NYX: variants seen among roughly 807,000 people sequenced by gnomAD.
NYX encodes nyctalopin, also known as leucine-rich repeat protein.
For missense variants in NYX, 481 were observed against 485.4 expected, an observed-to-expected ratio of 0.99 and a Z score of 0.09; for synonymous variants, 258 against 245.7, an observed-to-expected ratio of 1.05 and a Z score of -0.47.
Position 41,471,127 on chromosome X carries a change from G to T in NYX, c.23-2364G>T, listed in dbSNP as rs190435550. ...TTATATACCTTCTTTTTTTGGAGGG[G>T]GGGGATGGAGTTTCACTCTTTTCAC... On this transcript the variant is annotated intron_variant, in intron 2 of 2. Transcript: ENST00000378220. Among the ~76,000 whole-genome samples, 232 of 111,101 alleles carry T rather than the reference G, an allele frequency of 2.1e-3. 1 individual carries two copies. The highest frequency in any genetic ancestry group is 7.1e-3 in the African/African-American group (219 of 30,667).
intron 2 of NYX, among the ~76,000 whole-genome samples, chrX:41,463,880 T>C (rs1167140005): frequency 8.9e-6 from 1 of 111,793 alleles, no homozygotes. Context: ...AGTAGTCTTT[T>C]ATATTTAGTA....
intron 2 of NYX, among the ~76,000 whole-genome samples, 172 bp from the exon 3 acceptor site, chrX:41,473,318 GA>G (rs1301393157): frequency 9.0e-6 from 1 of 111,166 alleles, no homozygotes; most frequent in Admixed American, 9.5e-5. Flanking sequence ...AAACCCGTGT[GA>G]GGCCGCGGAG....
At chrX:41,453,842 G>T (rs181411900) in intron 2 of NYX, among the ~76,000 whole-genome samples, 8 of 112,686 alleles carry the variant, frequency 7.1e-5, no homozygotes, top group African/African-American at 2.6e-4. Flanking sequence ...GACATTTGTT[G>T]TTTCTACCTT....
chrX:41,464,518 G>C (rs2064331552), intron 2 of NYX, among the ~76,000 whole-genome samples: 1 of 111,990 alleles, frequency 8.9e-6, no homozygotes, highest in East Asian at 2.8e-4. Flanking sequence ...ATCACTTTGG[G>C]GGTTAGGATT....
intron 2 of NYX, 50 bp from the exon 3 acceptor site, chrX:41,473,441 T>G (rs2064370441): frequency 1.1e-6 from 1 of 938,385 alleles, no homozygotes; most frequent in Non-Finnish European, 1.3e-6. Context: ...GGTTGCTCCT[T>G]TTTTCTCTTT....
chrX:41,453,350 T>G (rs1241610994), intron 2 of NYX, among the ~76,000 whole-genome samples: 1 of 111,791 alleles, frequency 8.9e-6, no homozygotes, highest in African/African-American at 3.2e-5. Flanking sequence ...CCATTTCTGG[T>G]GTTTATTTTC....
chrX:41,474,748 A>G lies in NYX; in HGVS notation c.1280A>G (p.Asn427Ser), dbSNP rs1370664927. The change falls in exon 3 of 3, where the codon AAC becomes AGC. Residue 427 changes from asparagine to serine, a missense_variant. Asn to Ser is a conservative substitution (Grantham distance 46). Transcript: ENST00000378220. ...AGGGTCCCGGTGGAGGAGGCGGCCA[A>G]CACCACTGGGGGGCTGGCCAACGCC... is the stretch of plus-strand genomic sequence containing the variant. ...APRVPVEEAA[N>S]TTGGLANASL... is the part of the protein sequence containing the mutation. 8.4e-7 allele frequency: 1 copy of G among 1,193,259 alleles called. No homozygotes were observed. The highest frequency in any genetic ancestry group is 2.4e-4 in the Middle Eastern group (1 of 4,239).
rs763717381 is a variant in NYX at position 41,454,607 on chromosome X, G to A, written c.22+6681G>A. Reference sequence around the variant, plus strand: ...ATTACAGGTGTGAGCCACTGCGCCCGGCTGATCCTTTTTTTTTAAGATGGG... The same window carrying A: ...ATTACAGGTGTGAGCCACTGCGCCCAGCTGATCCTTTTTTTTTAAGATGGG... On this transcript the variant is annotated intron_variant, in intron 2 of 2. Coordinates refer to ENST00000378220, the MANE Select transcript of NYX (RefSeq NM_001378477.3). Among the ~76,000 whole-genome samples, 9 of 108,583 alleles carry A rather than the reference G, an allele frequency of 8.3e-5. No individual in the cohort carries two copies. The East Asian group carries it at 8.7e-4, about 11-fold the overall frequency. The allele number at this position is 108,583 out of a possible 115,157, so 94.3% of individuals were successfully genotyped here. A position where few individuals can be genotyped will look rare whatever the true frequency, so the allele number is the denominator to read the frequency against.
intron 2 of NYX, among the ~76,000 whole-genome samples, chrX:41,455,388 T>C (rs1397993999): frequency 9.0e-6 from 1 of 110,712 alleles, no homozygotes; most frequent in Non-Finnish European, 1.9e-5. Flanking sequence ...ATTACAGGCA[T>C]GAGTCACTGC....
intron 2 of NYX, among the ~76,000 whole-genome samples, chrX:41,464,249 G>A (rs1366999715): frequency 1.8e-5 from 2 of 109,279 alleles, no homozygotes; most frequent in African/African-American, 6.7e-5. Flanking sequence ...GGGCTTAAGC[G>A]ATCCTCCCAC....
At position 41,474,701 on chromosome X, in the gene NYX, C is replaced by T. The variant is rs1201699098; in HGVS notation, c.1233C>T (p.Leu411=). 3 of 1,198,817 alleles carry T rather than the reference C, an allele frequency of 2.5e-6. No homozygotes were observed. The highest frequency in any genetic ancestry group is 3.4e-6 in the Non-Finnish European group (3 of 890,185). The change falls in exon 3 of 3, where the codon CTC becomes CTT. Residue 411 remains leucine, a synonymous_variant. Coordinates refer to ENST00000378220, the MANE Select transcript of NYX (RefSeq NM_001378477.3). ...CCACCGTGAGCAGGTTCAGCAGCCT[C>T]CTCTCCAAGCTGCTGGCCCCGAGGG... ...AATTVSRFSS[L]LSKLLAPRVP...
intron 2 of NYX, among the ~76,000 whole-genome samples, chrX:41,457,833 T>C (rs2064304490): frequency 9.0e-6 from 1 of 111,439 alleles, no homozygotes; most frequent in Non-Finnish European, 1.9e-5. Flanking sequence ...TGGCAACACC[T>C]GCTGTCAGAC....
intron 2 of NYX, among the ~76,000 whole-genome samples, chrX:41,466,787 CTTTTTTTTT>C (rs747247175): frequency 4.9e-5 from 1 of 20,498 alleles, no homozygotes; most frequent in African/African-American, 2.0e-4. Context: ...CCAGACTGGT[CTTTTTTTTT>C]TTTTTTTTTT....
chrX:41,464,322 A>T (rs1449827480), intron 2 of NYX, among the ~76,000 whole-genome samples: 4 of 109,940 alleles, frequency 3.6e-5, no homozygotes, highest in Non-Finnish European at 7.6e-5. Flanking sequence ...ATTTTTGTGT[A>T]GAGACAGGGT....
intron 2 of NYX, among the ~76,000 whole-genome samples, chrX:41,467,645 C>T (rs564889402): frequency 1.8e-5 from 2 of 110,374 alleles, no homozygotes; most frequent in African/African-American, 6.6e-5. Flanking sequence ...TGAGCCACCG[C>T]GCCTGGAGAC....
rs1181738183 is a variant in NYX, at chrX:41,474,140, T to C, written c.672T>C (p.Cys224=). 6.2e-6 allele frequency: 7 copies of C among 1,137,066 alleles called. No homozygotes were observed. Among genetic ancestry groups the C allele is most frequent in the Non-Finnish European group, 8.1e-6 (7 of 863,645 alleles). The allele number at this position is 1,137,066 out of a possible 1,213,427, so 93.7% of individuals were successfully genotyped here. A position where few individuals can be genotyped will look rare whatever the true frequency, so the allele number is the denominator to read the frequency against. Reference sequence around the variant, plus strand: ...TGCACGCTGGCGCCTTCGGGGACTGTGGCGTCCTGGAGCATCTGCTGCTCA... The same window carrying C: ...TGCACGCTGGCGCCTTCGGGGACTGCGGCGTCCTGGAGCATCTGCTGCTCA... ...RAVHAGAFGD[C]GVLEHLLLND... Residue 224 remains cysteine (C), a synonymous_variant, in exon 3 of 3, where the codon TGT becomes TGC. Transcript: ENST00000378220.
intron 2 of NYX, among the ~76,000 whole-genome samples, chrX:41,457,429 C>T (rs1450835224): frequency 9.0e-6 from 1 of 110,967 alleles, no homozygotes; most frequent in Non-Finnish European, 1.9e-5. Context: ...CAGAATCTGC[C>T]TTGCTCTTGG....
intron 2 of NYX, 150 bp downstream of exon 2, chrX:41,448,076 G>A (rs1332557235): frequency 3.5e-6 from 2 of 568,544 alleles, no homozygotes; most frequent in Non-Finnish European, 5.8e-6. Context: ...GTGGGGGAGG[G>A]GATAGAGAAA....
intron 2 of NYX, 108 bp from the exon 3 acceptor site, chrX:41,473,383 C>T: frequency 1.2e-6 from 1 of 846,044 alleles, no homozygotes; most frequent in Non-Finnish European, 1.4e-6. Flanking sequence ...GGCCTGCATC[C>T]TGCTGCCCGG....
Sources: allele counts gnomAD v4.1 joint callset (sites outside exome capture counted in the v4.1 genomes callset), GRCh38; gene constraint gnomAD v4.1.1; transcripts MANE v1.5; gene names NCBI Gene and HGNC (gene_info 2026-07-23, HGNC 2026-07-21).